The following STK4 variants were observed in gnomAD, a reference collection of about 807,000 sequenced individuals.
The protein encoded by STK4 is serine/threonine-protein kinase 4.
A neutral mutation model predicts 64.9 loss-of-function variants in STK4; 30 were observed. That is an observed-to-expected ratio of 0.46 (90% CI 0.35 to 0.63). The LOEUF is 0.63. Ranked by LOEUF, STK4 falls within the 20% of genes least tolerant of loss-of-function variation. The pLI, the probability that STK4 is intolerant of heterozygous loss-of-function variation, is 0.01. For missense variants in STK4, 466 were observed against 598.5 expected, an observed-to-expected ratio of 0.78 and a Z score of 2.31; for synonymous variants, 177 against 199.0, an observed-to-expected ratio of 0.89 and a Z score of 0.93.
At chr20:44,983,345 G>A (rs948757025) in intron 4 of STK4, among the ~76,000 whole-genome samples, 6 of 152,208 alleles carry the variant, frequency 3.9e-5, no homozygotes, top group African/African-American at 1.4e-4. Context: ...CCTCATGCCT[G>A]TAATCCCAGC....
At chr20:45,001,505 G>A (rs1219169132) in intron 9 of STK4, 152 bp downstream of exon 9, 4 of 917,724 alleles carry the variant, frequency 4.4e-6, no homozygotes, top group Non-Finnish European at 6.1e-6. Flanking sequence ...GATGGGGACA[G>A]GAGGTTTGGT....
At chr20:44,999,465 A>G (rs2067796070) in intron 7 of STK4, among the ~76,000 whole-genome samples, 1 of 152,242 alleles carries the variant, frequency 6.6e-6, no homozygotes, top group South Asian at 2.1e-4. Context: ...TGGATTGCCA[A>G]GAAACAATGG....
intron 8 of STK4, 92 bp downstream of exon 8, chr20:45,000,612 C>T: frequency 6.5e-7 from 1 of 1,550,362 alleles, no homozygotes; most frequent in Non-Finnish European, 8.8e-7. Context: ...GGTATTGGAT[C>T]AACTTGGAGC....
intron 9 of STK4, chr20:45,007,700 T>C (rs2067973398): frequency 2.8e-6 from 1 of 352,322 alleles, no homozygotes; most frequent in Non-Finnish European, 5.6e-6. Flanking sequence ...TGGTGCTGTC[T>C]TTCACTGAGA....
intron 4 of STK4, among the ~76,000 whole-genome samples, chr20:44,985,566 C>T (rs892394967): frequency 6.6e-6 from 1 of 152,170 alleles, no homozygotes; most frequent in African/African-American, 2.4e-5. Flanking sequence ...TGGTCTTGAA[C>T]TCCTGGCCTC....
chr20:45,064,020 G>A (rs1014888962), intron 10 of STK4, among the ~76,000 whole-genome samples: 1 of 151,950 alleles, frequency 6.6e-6, no homozygotes, highest in Non-Finnish European at 1.5e-5. Context: ...GTGTTAGCCA[G>A]GATGGTCTCG....
chr20:44,997,827 G>C (rs913218217), intron 7 of STK4, among the ~76,000 whole-genome samples: 1 of 152,254 alleles, frequency 6.6e-6, no homozygotes, highest in African/African-American at 2.4e-5. Context: ...TATGGGATTA[G>C]AGAAAGGGAA....
At chr20:45,054,738 G>T (rs941321184) in intron 10 of STK4, among the ~76,000 whole-genome samples, 1 of 152,078 alleles carries the variant, frequency 6.6e-6, no homozygotes, top group African/African-American at 2.4e-5. Flanking sequence ...AATTATAGCT[G>T]TAAGATTTAA....
intron 9 of STK4, among the ~76,000 whole-genome samples, chr20:45,008,306 T>C (rs55764138): frequency 3.3e-5 from 5 of 152,164 alleles, no homozygotes; most frequent in African/African-American, 1.2e-4. Context: ...CCACCCGCCA[T>C]GGCCTCCCAA....
intron 9 of STK4, among the ~76,000 whole-genome samples, chr20:45,003,779 C>T (rs556439287): frequency 1.1e-4 from 16 of 140,300 alleles, no homozygotes; most frequent in Non-Finnish European, 1.8e-4. Flanking sequence ...TGCAGTGGTG[C>T]GATCTTGGCT....
intron 9 of STK4, among the ~76,000 whole-genome samples, chr20:45,012,462 A>G (rs945795666): frequency 6.6e-6 from 1 of 152,242 alleles, no homozygotes; most frequent in Non-Finnish European, 1.5e-5. Flanking sequence ...CTTTCTATGC[A>G]TGAACATGGT....
At chr20:45,006,601 C>A (rs1160016008) in intron 9 of STK4, among the ~76,000 whole-genome samples, 1 of 152,066 alleles carries the variant, frequency 6.6e-6, no homozygotes, top group African/African-American at 2.4e-5. Context: ...AATTATCTTG[C>A]TCGGAGGTCC....
chr20:45,024,439 A>G (rs1412816125), intron 9 of STK4, among the ~76,000 whole-genome samples: 1 of 151,992 alleles, frequency 6.6e-6, no homozygotes, highest in Non-Finnish European at 1.5e-5. Context: ...CTAATATTTC[A>G]TAGAGTGGAT....
intron 10 of STK4, among the ~76,000 whole-genome samples, chr20:45,065,372 CACATCCA>C (rs1359282796): frequency 6.6e-6 from 1 of 152,078 alleles, no homozygotes; most frequent in Non-Finnish European, 1.5e-5. Flanking sequence ...TGAGGATTTT[CACATCCA>C]TGTTCCTCGA....
chr20:45,062,680 A>G lies in STK4; in HGVS notation c.1306-12338A>G, dbSNP rs1277371340. 2.0e-5 allele frequency among the ~76,000 whole-genome samples: 3 copies of G among 151,596 alleles called. No individual in the cohort carries two copies. In the East Asian group the frequency reaches 5.8e-4, roughly 29 times the overall value. On this transcript the variant is annotated intron_variant, in intron 10 of 10. Coordinates refer to ENST00000372806, the MANE Select transcript of STK4 (RefSeq NM_006282.5). ...GGGTTTTTTTTTGTTTTGTTTTGAG[A>G]CGGAGTCTCGCTTTGTCGCCCAGGC...
Position 45,001,247 on chromosome 20 carries a change from G to A in STK4, c.1041G>A (p.Met347Ile), listed in dbSNP as rs1181681923. ...GCACTGTCCGAGTAGCCAGCACCAT[G>A]ACTGATGGAGCCAATACTATGATTG... The part of the protein sequence containing the change: ...EMGTVRVAST[M>I]TDGANTMIEH... Residue 347 changes from methionine (M) to isoleucine (I), a missense_variant, in exon 9 of 11, where the codon ATG becomes ATA. Around this residue, in one of 2 missense-constraint regions of STK4, gnomAD observed 276 missense variants for 308.9 expected, o/e 0.89. Transcript: ENST00000372806. 2 of 1,614,176 alleles carry A rather than the reference G, an allele frequency of 1.2e-6. No individual in the cohort carries two copies. The highest frequency in any genetic ancestry group is 4.5e-5 in the East Asian group (2 of 44,890).
At chr20:45,021,216 G>C (rs991567328) in intron 9 of STK4, among the ~76,000 whole-genome samples, 1 of 152,144 alleles carries the variant, frequency 6.6e-6, no homozygotes, top group African/African-American at 2.4e-5. Context: ...TTGTGAGAGG[G>C]AGTAAGGTAA....
rs568821482 is a variant in STK4, at chr20:44,989,998, C to T, written c.525+2702C>T. On this transcript the variant is annotated intron_variant, in intron 5 of 10. Transcript: ENST00000372806. ...GTGTGAGTGTTCCAACTTTGTCCTTCTATTTCAAGATTGTTTTGGCTATTC... is the reference window on the plus strand; with the variant it reads ...GTGTGAGTGTTCCAACTTTGTCCTTTTATTTCAAGATTGTTTTGGCTATTC... Among the ~76,000 whole-genome samples the T allele has an allele frequency of 1.4e-4, 22 of 152,270 alleles. No homozygotes were observed. The East Asian group carries it at 4.1e-3, about 28-fold the overall frequency.
intron 7 of STK4, 32 bp downstream of exon 7, chr20:44,997,338 C>A (rs1232251898): frequency 1.3e-6 from 2 of 1,553,068 alleles, no homozygotes. Context: ...CATCTCGCTC[C>A]ATTTCATTTA....
Sources: gnomAD v4.1 joint callset for allele counts (sites outside exome capture counted in the v4.1 genomes callset) on GRCh38, gnomAD v4.1.1 for gene constraint, gnomAD v4.1.1 regional missense constraint, MANE v1.5 for transcripts, NCBI Gene and HGNC (gene_info 2026-07-23, HGNC 2026-07-21) for gene names.